Variants in SRP72 observed in about 807,000 individuals in gnomAD.
SRP72 encodes the protein signal recognition particle subunit SRP72.
A neutral mutation model predicts 96.3 loss-of-function variants in SRP72; 49 were observed. The observed-to-expected ratio is 0.51, with a 90% CI of 0.40 to 0.65. SRP72 has a LOEUF of 0.65. Ranked by LOEUF, SRP72 falls within the 30% of genes least tolerant of loss-of-function variation. The pLI is 0.00. For missense variants in SRP72, 736 were observed against 793.3 expected (o/e 0.93, Z 0.87); for synonymous variants, 267 against 275.2 (o/e 0.97, Z 0.30).
At chr4:56,483,705 T>C (rs1042825215) in intron 9 of SRP72, among the ~76,000 whole-genome samples, 19 of 152,084 alleles carry the variant, frequency 1.2e-4, no homozygotes, top group Admixed American at 8.5e-4. Flanking sequence ...TTATGTGTCA[T>C]AGATTTTATT....
chr4:56,479,235 A>G (rs1325840692), intron 8 of SRP72, among the ~76,000 whole-genome samples: 3 of 152,042 alleles, frequency 2.0e-5, no homozygotes, highest in Non-Finnish European at 2.9e-5. Flanking sequence ...ACTGGAGTGC[A>G]GTGACACGAT....
Position 56,502,126 on chromosome 4 carries a change from C to G in SRP72, c.*265C>G, listed in dbSNP as rs951509459. On this transcript the variant is annotated 3_prime_UTR_variant, in exon 19 of 19. Coordinates refer to ENST00000642900, the MANE Select transcript of SRP72 (RefSeq NM_006947.4). Reference sequence around the variant, plus strand: ...TCTTGGTATCTGTTGTATCCTTTATCTGTGTGTGCTGATTTGATCTTTTTT... The same window carrying G: ...TCTTGGTATCTGTTGTATCCTTTATGTGTGTGTGCTGATTTGATCTTTTTT... The G allele has an allele frequency of 2.1e-5, 8 of 380,392 alleles. No homozygotes were observed. Among genetic ancestry groups the G allele is most frequent in the African/African-American group, 1.2e-4 (6 of 48,374 alleles). The allele number at this position is 380,392 out of a possible 1,614,324, so 23.6% of individuals were successfully genotyped here.
rs1234409512 is a variant in SRP72 at position 56,478,382 on chromosome 4, G to A, written c.646G>A (p.Gly216Arg). The A allele has an allele frequency of 9.4e-6, 15 of 1,589,794 alleles. No individual in the cohort carries two copies. Among genetic ancestry groups the A allele is most frequent in the East Asian group, 9.0e-5 (4 of 44,618 alleles). ...GAAAAACATTTCTTTCTCTTAGGAT[G>A]GGACTGAGGAAGACCCACAGGCAGA... ...CRRSLSEDTDGTEEDPQAELA... is the reference protein window; with the variant it reads ...CRRSLSEDTDRTEEDPQAELA... Residue 216 changes from glycine to arginine, a missense_variant, in exon 7 of 19, where the codon GGG becomes AGG. By Grantham distance (125) the Gly-to-Arg change is moderately radical. Transcript: ENST00000642900.
intron 10 of SRP72, among the ~76,000 whole-genome samples, chr4:56,485,370 G>GT (rs1720665016): frequency 7.6e-6 from 1 of 131,120 alleles, no homozygotes; most frequent in African/African-American, 2.9e-5. Flanking sequence ...GACACTCAGT[G>GT]AAGAGACACC....
chr4:56,486,246 G>T, intron 10 of SRP72, 79 bp from the exon 11 acceptor site: 1 of 993,982 alleles, frequency 1.0e-6, no homozygotes, highest in Non-Finnish European at 1.4e-6. Context: ...AAAATCTTAT[G>T]TAGCTAAGTA....
At chr4:56,479,688 C>T (rs1213085400) in intron 8 of SRP72, among the ~76,000 whole-genome samples, 2 of 151,616 alleles carry the variant, frequency 1.3e-5, no homozygotes, top group Non-Finnish European at 2.9e-5. Flanking sequence ...GCCATGTTGC[C>T]CAGGCTGGTC....
chr4:56,469,852 A>G (rs1172452046), intron 2 of SRP72, 79 bp downstream of exon 2: 3 of 1,310,712 alleles, frequency 2.3e-6, no homozygotes, highest in Non-Finnish European at 3.0e-6. Flanking sequence ...TTTTTTCCCA[A>G]CTATTTGCTG....
intron 8 of SRP72, among the ~76,000 whole-genome samples, chr4:56,480,696 T>C (rs1720448103): frequency 6.6e-6 from 1 of 152,226 alleles, no homozygotes; most frequent in South Asian, 2.1e-4. Context: ...TTCAAAATAG[T>C]ACTGGATGCA....
intron 3 of SRP72, among the ~76,000 whole-genome samples, chr4:56,472,828 A>C (rs1162397074): frequency 1.3e-5 from 2 of 152,180 alleles, no homozygotes; most frequent in South Asian, 4.1e-4. Flanking sequence ...GGTAAATTCT[A>C]GCATTTTGAG....
chr4:56,489,498 TA>T lies in SRP72; in HGVS notation c.1320+19del. The T allele has an allele frequency of 6.8e-7, 1 of 1,479,118 alleles. No individual in the cohort carries two copies. Among genetic ancestry groups the T allele is most frequent in the Non-Finnish European group, 9.3e-7 (1 of 1,070,188 alleles). The allele number at this position is 1,479,118 out of a possible 1,614,324, so 91.6% of individuals were successfully genotyped here. A position where few individuals can be genotyped will look rare whatever the true frequency, so the allele number is the denominator to read the frequency against. On this transcript the variant is annotated intron_variant, in intron 13 of 18. Coordinates refer to ENST00000642900, the MANE Select transcript of SRP72 (RefSeq NM_006947.4). ...AAAACCATCAGGTAAATAAATGGAG[TA>T]AAATGTTATGAGAGCATGTTTTTAC... is the stretch of plus-strand genomic sequence containing the variant.
intron 5 of SRP72, among the ~76,000 whole-genome samples, chr4:56,475,097 T>C (rs961660061): frequency 6.6e-6 from 1 of 152,228 alleles, no homozygotes; most frequent in African/African-American, 2.4e-5. Flanking sequence ...ATAAAAGTGA[T>C]GTAGGTACTG....
chr4:56,484,812 C>T lies in SRP72; in HGVS notation c.1034C>T (p.Ala345Val), dbSNP rs777011753. 1.9e-6 allele frequency: 3 copies of T among 1,613,974 alleles called. No individual in the cohort carries two copies. The highest frequency in any genetic ancestry group is 2.5e-6 in the Non-Finnish European group (3 of 1,180,038). The change falls in exon 10 of 19, where the codon GCT (alanine) becomes GTT (valine). Residue 345 changes from alanine to valine, a missense_variant. Ala to Val is a moderately conservative substitution (Grantham distance 64, BLOSUM62 0). Coordinates refer to ENST00000642900, the MANE Select transcript of SRP72 (RefSeq NM_006947.4). ...CATCTCTTACCTGTGTTAATCCAAG[C>T]TGCCCAGCTCTGCCGTGAAAAGCAG... is the stretch of plus-strand genomic sequence containing the variant. Reference protein sequence around the residue: ...PEHLLPVLIQAAQLCREKQHT... With the variant: ...PEHLLPVLIQVAQLCREKQHT...
chr4:56,480,107 T>C (rs1720422662), intron 8 of SRP72, among the ~76,000 whole-genome samples: 1 of 152,176 alleles, frequency 6.6e-6, no homozygotes, highest in African/African-American at 2.4e-5. Flanking sequence ...TAGTGTATCT[T>C]TGGATGTAGA....
intron 5 of SRP72, among the ~76,000 whole-genome samples, chr4:56,474,825 C>T (rs1443936737): frequency 6.6e-6 from 1 of 152,204 alleles, no homozygotes; most frequent in Non-Finnish European, 1.5e-5. Flanking sequence ...GCTGGGATCA[C>T]AGGCGCATGC....
Position 56,489,206 on chromosome 4 carries a change from C to T in SRP72, c.1225-182C>T, listed in dbSNP as rs17086868. ...TATCTACCTTCATATTTGGAAAACA[C>T]GGTTGTTCATGGTATTTCTAGAAGT... is the stretch of plus-strand genomic sequence containing the variant. On this transcript the variant is annotated intron_variant, in intron 12 of 18. Transcript: ENST00000642900. 0.089 allele frequency: 36,846 copies of T among 414,008 alleles called. 2,021 individuals are homozygous for T. The highest frequency in any genetic ancestry group is 0.22 in the East Asian group (6,272 of 28,996). The allele number at this position is 414,008 out of a possible 1,614,324, so 25.6% of individuals were successfully genotyped here.
In SRP72 at chr4:56,503,179, T is replaced by G. The variant is rs1049800456; in HGVS notation, c.*1318T>G. On this transcript the variant is annotated 3_prime_UTR_variant, in exon 19 of 19. Coordinates refer to ENST00000642900, the MANE Select transcript of SRP72 (RefSeq NM_006947.4). ...AGAAATGGGGTGCTGCCTTTCTGTT[T>G]AGTAAAAGCAGAATTTGCAGTGGCA... is the stretch of plus-strand genomic sequence containing the variant. 6.6e-6 allele frequency: 1 copy of G among 152,216 alleles called. No individual in the cohort carries two copies. Among genetic ancestry groups the G allele is most frequent in the Non-Finnish European group, 1.5e-5 (1 of 68,034 alleles). The allele number at this position is 152,216 out of a possible 1,614,324, so 9.4% of individuals were successfully genotyped here.
chr4:56,495,848 C>T (rs180683945), intron 17 of SRP72, among the ~76,000 whole-genome samples: 1 of 152,284 alleles, frequency 6.6e-6, no homozygotes. Context: ...GGAATGTTAG[C>T]ATCAAGGTTG....
chr4:56,500,816 T>A (rs10020554), intron 18 of SRP72, 121 bp downstream of exon 18: 11 of 984,550 alleles, frequency 1.1e-5, no homozygotes, highest in South Asian at 2.3e-5. Context: ...CTTTGATAAA[T>A]GTTTATACTA....
At chr4:56,468,363 G>A (rs1719833532) in intron 1 of SRP72, among the ~76,000 whole-genome samples, 1 of 152,238 alleles carries the variant, frequency 6.6e-6, no homozygotes, top group Admixed American at 6.5e-5. Flanking sequence ...TTGAAATAAT[G>A]TCGGAAGAAA....
Sources: allele counts gnomAD v4.1 joint callset (sites outside exome capture counted in the v4.1 genomes callset), GRCh38; gene constraint gnomAD v4.1.1; transcripts MANE v1.5; gene names NCBI Gene and HGNC (gene_info 2026-07-23, HGNC 2026-07-21).